Variants in TNIP1 observed in about 807,000 individuals in gnomAD.
The protein encoded by TNIP1 is TNFAIP3-interacting protein 1.
A neutral mutation model predicts 86.6 loss-of-function variants in TNIP1; 22 were observed. That is an observed-to-expected ratio of 0.25 (90% confidence interval 0.18 to 0.36). The LOEUF (loss-of-function observed/expected upper bound fraction) is 0.36. Among genes scored for constraint, TNIP1 ranks in the 10% least tolerant of loss-of-function variants. The probability of loss-of-function intolerance (pLI) is 1.00; values close to 1 mark genes in which losing one functional copy is unlikely to be tolerated. For missense variants in TNIP1, 709 were observed against 820.6 expected, an observed-to-expected ratio of 0.86 and a Z score of 1.66; for synonymous variants, 294 against 313.0, an observed-to-expected ratio of 0.94 and a Z score of 0.64.
rs781508036 is a variant in TNIP1, at chr5:151,036,796, T to C, written c.1389A>G (p.Lys463=). The C allele has an allele frequency of 6.2e-6, 10 of 1,613,950 alleles. No homozygotes were observed. In the Admixed American group the frequency reaches 1.7e-4, roughly 27 times the overall value. Residue 463 remains lysine, a synonymous_variant, in exon 13 of 18, where the codon AAA becomes AAG. Coordinates refer to ENST00000521591, the MANE Select transcript of TNIP1 (RefSeq NM_006058.5). ...QELVTQNELL[K]QQVKIFEEDF... ...TTCCTCCCGGAAGCCTCACCTGCTG[T>C]TTCAGCAACTCATTCTGCGTGACCA...
upstream of TNIP1, among the ~76,000 whole-genome samples, chr5:151,081,713 A>G (rs1764040357): frequency 6.6e-6 from 1 of 152,192 alleles, no homozygotes; most frequent in Non-Finnish European, 1.5e-5. Context: ...GAGTCACAAA[A>G]AGGTTAGATG....
At chr5:151,071,848 C>T (rs1196140801) in intron 1 of TNIP1, among the ~76,000 whole-genome samples, 3 of 152,192 alleles carry the variant, frequency 2.0e-5, no homozygotes, top group African/African-American at 7.2e-5. Flanking sequence ...GATTACACAC[C>T]ACCCGCTAAA....
At chr5:151,047,580 T>C (rs1759339262) in intron 8 of TNIP1, among the ~76,000 whole-genome samples, 1 of 152,190 alleles carries the variant, frequency 6.6e-6, no homozygotes, top group South Asian at 2.1e-4. Context: ...TTTTGATCAT[T>C]TAACCTGGGT....
chr5:151,083,329 G>T (rs1440703124), upstream of TNIP1, among the ~76,000 whole-genome samples: 8 of 152,238 alleles, frequency 5.3e-5, no homozygotes, highest in Non-Finnish European at 1.0e-4. Context: ...AATGATAGTG[G>T]TGTCTAGATG....
At chr5:151,056,408 T>C (rs979392840) in intron 6 of TNIP1, among the ~76,000 whole-genome samples, 3 of 152,148 alleles carry the variant, frequency 2.0e-5, no homozygotes, top group African/African-American at 7.2e-5. Flanking sequence ...GAAGTGGTGA[T>C]AATGAGGGTG....
At chr5:151,073,752 T>C (rs1232348587) in intron 1 of TNIP1, among the ~76,000 whole-genome samples, 1 of 152,070 alleles carries the variant, frequency 6.6e-6, no homozygotes, top group Non-Finnish European at 1.5e-5. Flanking sequence ...TTTTTTACAT[T>C]AGCAGAGCAT....
intron 14 of TNIP1, 31 bp downstream of exon 14, chr5:151,035,551 A>G: frequency 6.2e-7 from 1 of 1,614,074 alleles, no homozygotes; most frequent in Non-Finnish European, 8.5e-7. Context: ...AGGACAGGCC[A>G]GTTGCCCTTC....
At chr5:151,067,255 A>G (rs1762346246) in intron 1 of TNIP1, among the ~76,000 whole-genome samples, 1 of 152,254 alleles carries the variant, frequency 6.6e-6, no homozygotes, top group Non-Finnish European at 1.5e-5. Flanking sequence ...GAACTGGCAC[A>G]TAGTAAAGTA....
chr5:151,082,172 C>T (rs1764073258), upstream of TNIP1, among the ~76,000 whole-genome samples: 1 of 152,206 alleles, frequency 6.6e-6, no homozygotes, highest in South Asian at 2.1e-4. Context: ...AATACACACA[C>T]AGATACTTGC....
chr5:151,032,344 T>C lies in TNIP1; in HGVS notation c.1819A>G (p.Asn607Asp). 2 of 1,614,116 alleles carry C rather than the reference T, an allele frequency of 1.2e-6. No individual in the cohort carries two copies. The highest frequency in any genetic ancestry group is 1.7e-6 in the Non-Finnish European group (2 of 1,180,010). Residue 607 changes from asparagine to aspartate, a missense_variant, in exon 17 of 18, where the codon AAT becomes GAT. By Grantham distance (23) the Asn-to-Asp change is conservative. Coordinates refer to ENST00000521591, the MANE Select transcript of TNIP1 (RefSeq NM_006058.5). Reference sequence around the variant, plus strand: ...ATCACTTGGGAGCTCTGATTTGGATTTCGAACCCCTCCACAGGGTAGACGC... The same window carrying C: ...ATCACTTGGGAGCTCTGATTTGGATCTCGAACCCCTCCACAGGGTAGACGC... ...TWRLPCGGVR[N>D]PNQSSQVMDP...
chr5:151,071,171 C>T (rs1203224246), intron 1 of TNIP1, among the ~76,000 whole-genome samples: 1 of 152,142 alleles, frequency 6.6e-6, no homozygotes, highest in Non-Finnish European at 1.5e-5. Context: ...CTGTCAGGTT[C>T]ACACATGAGT....
chr5:151,034,887 A>G, intron 15 of TNIP1, 115 bp downstream of exon 15: 2 of 1,099,410 alleles, frequency 1.8e-6, no homozygotes, highest in South Asian at 2.6e-5. Context: ...ATTACTCATC[A>G]GTTAGTTAGC....
At chr5:151,063,052 T>C (rs918491934) in intron 3 of TNIP1, among the ~76,000 whole-genome samples, 1 of 152,156 alleles carries the variant, frequency 6.6e-6, no homozygotes, top group African/African-American at 2.4e-5. Context: ...GCCTCTACCA[T>C]ACATGGGACT....
chr5:151,031,103 T>C (rs1756824263), intron 17 of TNIP1, among the ~76,000 whole-genome samples: 1 of 152,150 alleles, frequency 6.6e-6, no homozygotes. Flanking sequence ...CTACCACTCA[T>C]CAAAGCAGCC....
At chr5:151,067,197 A>G (rs1381460699) in intron 1 of TNIP1, among the ~76,000 whole-genome samples, 2 of 152,236 alleles carry the variant, frequency 1.3e-5, no homozygotes, top group African/African-American at 2.4e-5. Flanking sequence ...CAAAGTGCAG[A>G]TGTTTCCACC....
At chr5:151,071,895 G>C (rs1029794826) in intron 1 of TNIP1, among the ~76,000 whole-genome samples, 3 of 152,202 alleles carry the variant, frequency 2.0e-5, no homozygotes, top group Non-Finnish European at 4.4e-5. Context: ...AAGAGGACTG[G>C]AGAGCACCTA....
intron 8 of TNIP1, 57 bp from the exon 9 acceptor site, chr5:151,046,007 A>C: frequency 1.9e-6 from 3 of 1,555,218 alleles, no homozygotes; most frequent in Non-Finnish European, 2.7e-6. Context: ...TATCTCACCC[A>C]GTCTCGGTGC....
rs200832817 is a variant in TNIP1 at position 151,049,896 on chromosome 5, C to T, written c.774G>A (p.Glu258=). 1 of 1,614,210 alleles carries T rather than the reference C, an allele frequency of 6.2e-7. No homozygotes were observed. Among genetic ancestry groups the T allele is most frequent in the East Asian group, 2.2e-5 (1 of 44,886 alleles). Residue 258 remains glutamate, a synonymous_variant, in exon 8 of 18, where the codon GAG becomes GAA. Transcript: ENST00000521591. ...KKLLMSNGNK[E]GASGRPGSPK... ...GTGAGCCTGGCCGCCCAGACGCACC[C>T]TCTTTGTTGCCATTGCTCATCAACA...
In TNIP1 at chr5:151,042,589, T is replaced by C. The variant is rs1758573925; in HGVS notation, c.1085A>G (p.Asp362Gly). The C allele has an allele frequency of 1.2e-6, 2 of 1,613,722 alleles. No homozygotes were observed. The highest frequency in any genetic ancestry group is 1.7e-6 in the Non-Finnish European group (2 of 1,180,028). ...GGCCAGGAGGAGCTTGCGGTCAAAG[T>C]CACGCTGCTTCTGCTCCCGCTCGGC... is the stretch of plus-strand genomic sequence containing the variant. ...LEAEREQKQR[D>G]FDRKLLLAKS... Residue 362 changes from aspartate to glycine, a missense_variant, in exon 11 of 18, where the codon GAC becomes GGC. Coordinates refer to ENST00000521591, the MANE Select transcript of TNIP1 (RefSeq NM_006058.5).
Sources: allele counts gnomAD v4.1 joint callset (sites outside exome capture counted in the v4.1 genomes callset), GRCh38; gene constraint gnomAD v4.1.1; transcripts MANE v1.5; gene names NCBI Gene and HGNC (gene_info 2026-07-23, HGNC 2026-07-21).